NRXN3: variants seen among roughly 807,000 people sequenced by gnomAD.
NRXN3 encodes the protein neurexin III.
NRXN3 carries 32 observed loss-of-function variants against 137.6 expected under a neutral mutation model. The ratio of observed to expected loss-of-function variants is 0.23; its 90% CI spans 0.18 to 0.31. The LOEUF is 0.31. NRXN3 is among the 10% of genes least tolerant of loss of function. The pLI is 1.00. For missense variants in NRXN3, 1,574 were observed against 2,062.5 expected, an observed-to-expected ratio of 0.76 and a Z score of 4.59; for synonymous variants, 798 against 784.5, an observed-to-expected ratio of 1.02 and a Z score of -0.29.
chr14:78,797,058 G>C (rs111314164), intron 8 of NRXN3, among the ~76,000 whole-genome samples: 18 of 152,076 alleles, frequency 1.2e-4, no homozygotes, highest in African/African-American at 4.3e-4. Context: ...CTGACCAAGG[G>C]GGCTTAAGTA....
At chr14:79,469,945 T>A (rs769985067) in intron 16 of NRXN3, among the ~76,000 whole-genome samples, 17 of 152,178 alleles carry the variant, frequency 1.1e-4, no homozygotes, top group Middle Eastern at 3.2e-3. Context: ...TGAAACCAGC[T>A]TTTTGTTTTG....
At chr14:78,771,713 C>A (rs2098728675) in intron 8 of NRXN3, among the ~76,000 whole-genome samples, 1 of 152,166 alleles carries the variant, frequency 6.6e-6, no homozygotes, top group South Asian at 2.1e-4. Context: ...TTGATTATAA[C>A]AAGGAAGAAG....
intron 4 of NRXN3, among the ~76,000 whole-genome samples, chr14:78,390,384 G>T (rs1455247591): frequency 6.6e-6 from 1 of 152,154 alleles, no homozygotes; most frequent in Non-Finnish European, 1.5e-5. Context: ...AGCCTAATCT[G>T]CTTTGCTGCC....
chr14:78,321,118 A>C (rs1363968432), intron 4 of NRXN3, among the ~76,000 whole-genome samples: 1 of 151,680 alleles, frequency 6.6e-6, no homozygotes, highest in Non-Finnish European at 1.5e-5. Flanking sequence ...TCATTTCAAA[A>C]AAAAAAGAAA....
At chr14:78,751,542 C>A (rs1182443488) in intron 8 of NRXN3, among the ~76,000 whole-genome samples, 1 of 152,132 alleles carries the variant, frequency 6.6e-6, no homozygotes, top group Non-Finnish European at 1.5e-5. Flanking sequence ...TCTAAAATCA[C>A]AGTTATTAGA....
At chr14:78,685,206 A>G (rs930491328) in intron 6 of NRXN3, among the ~76,000 whole-genome samples, 1 of 152,186 alleles carries the variant, frequency 6.6e-6, no homozygotes. Context: ...GCATTGGTGC[A>G]ACAACTTTCT....
At chr14:79,723,922 C>A (rs946497861) in intron 19 of NRXN3, among the ~76,000 whole-genome samples, 3 of 152,110 alleles carry the variant, frequency 2.0e-5, no homozygotes, top group Non-Finnish European at 4.4e-5. Flanking sequence ...AACATCCAGG[C>A]TATGCCTTTC....
chr14:78,387,674 T>C (rs1485303224), intron 4 of NRXN3, among the ~76,000 whole-genome samples: 1 of 152,202 alleles, frequency 6.6e-6, no homozygotes, highest in Non-Finnish European at 1.5e-5. Context: ...GGCTTCTTTC[T>C]TGCCATCTTC....
chr14:78,221,042 T>C lies in NRXN3; in HGVS notation c.-703-21349T>C, dbSNP rs150983908. Among the ~76,000 whole-genome samples, 105 of 152,228 alleles carry C rather than the reference T, an allele frequency of 6.9e-4. No individual in the cohort carries two copies. In the Middle Eastern group the frequency reaches 0.014, roughly 20 times the overall value. The stretch of plus-strand genomic sequence containing the variant: ...TTGTAGTTGCATTTGTTGGCATAGA[T>C]GGGGTTTTGGTTTCTAGTGCCTATC... On this transcript the variant is annotated intron_variant, in intron 1 of 20. Transcript: ENST00000335750.
chr14:78,184,137 A>C, intron 1 of NRXN3, among the ~76,000 whole-genome samples: 1 of 152,234 alleles, frequency 6.6e-6, no homozygotes, highest in East Asian at 1.9e-4. Context: ...AGAGATAACC[A>C]ATGGGAGAAT....
intron 15 of NRXN3, among the ~76,000 whole-genome samples, chr14:79,388,895 G>A (rs1247481310): frequency 1.3e-5 from 2 of 152,130 alleles, no homozygotes; most frequent in East Asian, 1.9e-4. Context: ...TAAGTCTCAC[G>A]AGATCTGGCG....
At chr14:78,945,166 A>G (rs892011304) in intron 10 of NRXN3, among the ~76,000 whole-genome samples, 1 of 152,186 alleles carries the variant, frequency 6.6e-6, no homozygotes, top group Non-Finnish European at 1.5e-5. Context: ...ACATGCTTCT[A>G]AACACTTTCA....
chr14:79,501,049 G>A (rs2096821511), intron 16 of NRXN3, among the ~76,000 whole-genome samples: 1 of 152,052 alleles, frequency 6.6e-6, no homozygotes, highest in African/African-American at 2.4e-5. Flanking sequence ...AGAAAAATAT[G>A]CCACAGACCT....
intron 3 of NRXN3, among the ~76,000 whole-genome samples, chr14:78,284,841 TAA>T (rs1369792174): frequency 6.6e-6 from 1 of 152,050 alleles, no homozygotes; most frequent in Non-Finnish European, 1.5e-5. Flanking sequence ...TAGGAACCAG[TAA>T]AAAGGGGCAA....
chr14:79,737,107 T>G (rs903521568), intron 19 of NRXN3, among the ~76,000 whole-genome samples: 3 of 152,262 alleles, frequency 2.0e-5, no homozygotes, highest in African/African-American at 4.8e-5. Flanking sequence ...CATATATTAT[T>G]CCTTTCCTCA....
At chr14:78,259,943 A>C (rs372268288) in intron 2 of NRXN3, among the ~76,000 whole-genome samples, 1 of 152,106 alleles carries the variant, frequency 6.6e-6, no homozygotes, top group East Asian at 1.9e-4. Flanking sequence ...GAAGAGACTG[A>C]GGTGTTAGGG....
chr14:78,996,933 G>T (rs548872934), intron 15 of NRXN3, among the ~76,000 whole-genome samples: 2 of 152,176 alleles, frequency 1.3e-5, no homozygotes, highest in Non-Finnish European at 2.9e-5. Context: ...GAAGCTAGCG[G>T]TACTCTTAGG....
intron 10 of NRXN3, among the ~76,000 whole-genome samples, chr14:78,911,878 C>G (rs867440139): frequency 6.6e-6 from 1 of 151,788 alleles, no homozygotes; most frequent in Middle Eastern, 3.4e-3. Flanking sequence ...ACACAGTTCC[C>G]CTGGTTGAGC....
At chr14:79,421,050 T>C (rs2095568917) in intron 15 of NRXN3, among the ~76,000 whole-genome samples, 1 of 152,198 alleles carries the variant, frequency 6.6e-6, no homozygotes, top group Admixed American at 6.5e-5. Context: ...TGAACTTTAG[T>C]GTGCAATGTC....
Sources: allele counts gnomAD v4.1 joint callset (sites outside exome capture counted in the v4.1 genomes callset), GRCh38; gene constraint gnomAD v4.1.1; transcripts MANE v1.5; gene names NCBI Gene and HGNC (gene_info 2026-07-23, HGNC 2026-07-21).